The following TPRG1 variants were observed in gnomAD, a reference collection of about 807,000 sequenced individuals.
The protein encoded by TPRG1 is tumor protein p63 regulated 1.
In TPRG1, 29 loss-of-function variants were observed where a neutral mutation model predicts 29.3. That is an observed-to-expected ratio of 0.99 (90% CI 0.74 to 1.35). The LOEUF (loss-of-function observed/expected upper bound fraction) is 1.35, where lower values mean the gene tolerates loss of function less well. TPRG1 is among the 40% of genes most tolerant of loss of function. TPRG1 has a pLI of 0.00. For missense variants in TPRG1, 327 were observed against 335.0 expected (o/e 0.98, Z 0.19); for synonymous variants, 130 against 116.8 (o/e 1.11, Z -0.73).
chr3:189,264,713 A>G (rs1024347712), intron 4 of TPRG1, among the ~76,000 whole-genome samples: 1 of 152,200 alleles, frequency 6.6e-6, no homozygotes, highest in African/African-American at 2.4e-5. Flanking sequence ...TTTATTAGAT[A>G]GGAGGTAAGG....
At chr3:189,083,567 A>G (rs1717744748) in intron 4 of TPRG1, among the ~76,000 whole-genome samples, 1 of 152,186 alleles carries the variant, frequency 6.6e-6, no homozygotes, top group Admixed American at 6.5e-5. Context: ...TTCCCTCTCT[A>G]GATCTGTTTT....
At chr3:189,060,818 T>C (rs921765123) in intron 4 of TPRG1, among the ~76,000 whole-genome samples, 7 of 152,046 alleles carry the variant, frequency 4.6e-5, no homozygotes, top group African/African-American at 1.7e-4. Flanking sequence ...TGGAAAATCA[T>C]CCCATGGTCA....
Position 189,029,685 on chromosome 3 carries a change from A to G in TPRG1, c.-463+5739A>G, listed in dbSNP as rs527757174. On this transcript the variant is annotated intron_variant, in intron 4 of 10. Transcript: ENST00000433971. ...ACCTCATGTTGAAATGTAATCTCCA[A>G]TGTTGGAGGTGGAGCCTAGTGGGAG... Among the ~76,000 whole-genome samples the G allele has an allele frequency of 4.2e-4, 64 of 152,242 alleles. No homozygotes were observed. In the South Asian group the frequency reaches 6.4e-3, roughly 15 times the overall value.
At chr3:189,030,034 C>G (rs182270242) in intron 4 of TPRG1, among the ~76,000 whole-genome samples, 66 of 152,150 alleles carry the variant, frequency 4.3e-4, no homozygotes, top group Non-Finnish European at 8.8e-4. Flanking sequence ...TATAGCAACA[C>G]GAAGACAAAC....
chr3:189,257,936 G>A (rs1046225495), intron 4 of TPRG1, among the ~76,000 whole-genome samples: 1 of 152,058 alleles, frequency 6.6e-6, no homozygotes, highest in Non-Finnish European at 1.5e-5. Context: ...CTTTGCATTG[G>A]GTTAGAACAT....
At chr3:189,092,546 T>A (rs1718408861) in intron 4 of TPRG1, among the ~76,000 whole-genome samples, 1 of 152,026 alleles carries the variant, frequency 6.6e-6, no homozygotes, top group Non-Finnish European at 1.5e-5. Context: ...TTGATTTTCC[T>A]CAATTTGTTT....
At chr3:189,198,948 T>C (rs1407487294) in intron 1 of TPRG1, among the ~76,000 whole-genome samples, 1 of 150,452 alleles carries the variant, frequency 6.6e-6, no homozygotes, top group Non-Finnish European at 1.5e-5. Flanking sequence ...TCTTTATGTA[T>C]TTTTTGAGAA....
intron 4 of TPRG1, among the ~76,000 whole-genome samples, chr3:189,276,957 C>T (rs766938276): frequency 2.0e-5 from 3 of 152,008 alleles, no homozygotes; most frequent in African/African-American, 2.4e-5. Context: ...CAGATGCTTT[C>T]GGGATGAATC....
At chr3:189,026,277 CAGAG>C (rs546905710) in intron 4 of TPRG1, among the ~76,000 whole-genome samples, 1 of 152,060 alleles carries the variant, frequency 6.6e-6, no homozygotes, top group Non-Finnish European at 1.5e-5. Context: ...GAGAAAACGA[CAGAG>C]AGAGAGAGTG....
intron 5 of TPRG1, among the ~76,000 whole-genome samples, chr3:189,165,129 G>A (rs569971958): frequency 1.3e-5 from 2 of 152,122 alleles, no homozygotes; most frequent in Non-Finnish European, 2.9e-5. Context: ...GATTTGGGAT[G>A]GAGGGTAATG....
chr3:189,028,372 G>C (rs1283038080), intron 4 of TPRG1, among the ~76,000 whole-genome samples: 1 of 152,218 alleles, frequency 6.6e-6, no homozygotes, highest in African/African-American at 2.4e-5. Flanking sequence ...AGCCACTGAA[G>C]ATGACCAATA....
At chr3:189,306,894 G>A (rs139869510) in intron 4 of TPRG1, among the ~76,000 whole-genome samples, 16 of 152,282 alleles carry the variant, frequency 1.1e-4, no homozygotes, top group Admixed American at 2.6e-4. Flanking sequence ...TGAAAGTCAT[G>A]ATTTATACCG....
intron 1 of TPRG1, among the ~76,000 whole-genome samples, chr3:189,104,088 C>T (rs1719521076): frequency 6.6e-6 from 1 of 152,078 alleles, no homozygotes; most frequent in Non-Finnish European, 1.5e-5. Context: ...GTACTGTTCC[C>T]AGAATAAGGG....
intron 5 of TPRG1, among the ~76,000 whole-genome samples, chr3:189,166,230 A>G (rs1021200530): frequency 1.1e-4 from 16 of 152,244 alleles, no homozygotes; most frequent in African/African-American, 3.6e-4. Context: ...TGAGTGCCAT[A>G]GGATCTTCCT....
intron 4 of TPRG1, among the ~76,000 whole-genome samples, chr3:189,033,830 C>T (rs1026045246): frequency 6.6e-6 from 1 of 151,898 alleles, no homozygotes; most frequent in Non-Finnish European, 1.5e-5. Flanking sequence ...CCTGCCTCGG[C>T]CTCCCAAAGT....
intron 1 of TPRG1, among the ~76,000 whole-genome samples, chr3:189,118,211 C>T (rs993334491): frequency 6.6e-6 from 1 of 152,162 alleles, no homozygotes; most frequent in African/African-American, 2.4e-5. Flanking sequence ...AACTGGATTA[C>T]AGGTCACTCT....
chr3:189,122,634 T>C (rs903248585), intron 1 of TPRG1, among the ~76,000 whole-genome samples: 7 of 152,220 alleles, frequency 4.6e-5, no homozygotes, highest in Admixed American at 1.3e-4. Context: ...CCTGTCCTTT[T>C]ATCGTTGTGA....
chr3:189,153,301 C>T (rs997786116), intron 5 of TPRG1, among the ~76,000 whole-genome samples: 1 of 152,080 alleles, frequency 6.6e-6, no homozygotes, highest in East Asian at 1.9e-4. Context: ...AGAAGTAGAA[C>T]CTGAGAAGGA....
At chr3:189,212,563 G>C (rs1735435534) in intron 2 of TPRG1, among the ~76,000 whole-genome samples, 1 of 115,848 alleles carries the variant, frequency 8.6e-6, no homozygotes, top group South Asian at 3.5e-4. Context: ...TTGTAAAAAA[G>C]ATGATTTTTT....
Sources: allele counts gnomAD v4.1 joint callset (sites outside exome capture counted in the v4.1 genomes callset), GRCh38; gene constraint gnomAD v4.1.1; transcripts MANE v1.5; gene names NCBI Gene and HGNC (gene_info 2026-07-23, HGNC 2026-07-21).